Variants in RAP1GAP observed in about 807,000 individuals in gnomAD.
RAP1GAP encodes the protein RAP1 GTPase activating protein.
RAP1GAP carries 35 observed loss-of-function variants against 87.2 expected under a neutral mutation model. The observed-to-expected ratio is 0.40, with a 90% confidence interval of 0.31 to 0.53. The LOEUF is 0.53. Among genes scored for constraint, RAP1GAP ranks in the 20% least tolerant of loss-of-function variants. The pLI is 0.48. For missense variants in RAP1GAP, 734 were observed against 898.9 expected, an observed-to-expected ratio of 0.82 and a Z score of 2.35; for synonymous variants, 375 against 363.9, an observed-to-expected ratio of 1.03 and a Z score of -0.35.
chr1:21,655,964 C>G (rs1407068185), intron 1 of RAP1GAP, among the ~76,000 whole-genome samples: 1 of 152,216 alleles, frequency 6.6e-6, no homozygotes, highest in Non-Finnish European at 1.5e-5. Flanking sequence ...CTCCCCTCCC[C>G]GAGTCATACT....
At chr1:21,618,066 G>A in intron 5 of RAP1GAP, 94 bp from the exon 6 acceptor site, 1 of 1,467,812 alleles carries the variant, frequency 6.8e-7, no homozygotes, top group African/African-American at 1.4e-5. Context: ...AGGGCTGAGA[G>A]TGCGGATGGG....
intron 1 of RAP1GAP, among the ~76,000 whole-genome samples, chr1:21,657,419 A>G (rs948825091): frequency 1.3e-5 from 2 of 152,250 alleles, no homozygotes; most frequent in Non-Finnish European, 2.9e-5. Flanking sequence ...ATATACACAG[A>G]CAGATGTGTA....
chr1:21,610,319 C>A (rs1416799910), intron 13 of RAP1GAP, 44 bp from the exon 14 acceptor site: 1 of 1,605,376 alleles, frequency 6.2e-7, no homozygotes, highest in African/African-American at 1.3e-5. Flanking sequence ...CCAGAGGGGG[C>A]CCATGGGGGA....
chr1:21,651,830 C>A, intron 1 of RAP1GAP: 1 of 1,202,928 alleles, frequency 8.3e-7, no homozygotes, highest in Non-Finnish European at 1.0e-6. Flanking sequence ...CATGGTGCCG[C>A]CGCCGCCGCC....
chr1:21,624,731 G>T (rs1558748256), intron 3 of RAP1GAP, among the ~76,000 whole-genome samples: 1 of 152,192 alleles, frequency 6.6e-6, no homozygotes, highest in Non-Finnish European at 1.5e-5. Context: ...ACAAACGGAG[G>T]CTTCTAGCCA....
chr1:21,601,489 C>T (rs916963345), intron 20 of RAP1GAP, among the ~76,000 whole-genome samples, 195 bp downstream of exon 20: 2 of 152,208 alleles, frequency 1.3e-5, no homozygotes, highest in Non-Finnish European at 2.9e-5. Flanking sequence ...GCTCCAGAGC[C>T]GGGCGCGGGG....
chr1:21,603,932 G>T lies in RAP1GAP; in HGVS notation c.1429-1019C>A. ...CAATGACTGGCAAGCAGCAGAGGGC[G>T]GGGGCAGAGAGAGAGAGACAGAGAG... On this transcript the variant is annotated intron_variant, in intron 18 of 24. Coordinates refer to ENST00000374765, the MANE Select transcript of RAP1GAP (RefSeq NM_002885.4). This position sits in a 1 kb window ranked among gnomAD's most constrained non-coding sequence, Gnocchi z 6.0. 6.6e-7 allele frequency: 1 copy of T among 1,505,060 alleles called. No individual in the cohort carries two copies. The highest frequency in any genetic ancestry group is 9.0e-7 in the Non-Finnish European group (1 of 1,114,950). The allele number at this position is 1,505,060 out of a possible 1,614,324, so 93.2% of individuals were successfully genotyped here. A position where few individuals can be genotyped will look rare whatever the true frequency, so the allele number is the denominator to read the frequency against.
Position 21,603,867 on chromosome 1 carries a change from C to T in RAP1GAP, c.1429-954G>A. The T allele has an allele frequency of 6.3e-7, 1 of 1,591,724 alleles. No homozygotes were observed. The highest frequency in any genetic ancestry group is 1.1e-5 in the South Asian group (1 of 88,142). Reference sequence around the variant, plus strand: ...ACGGTTCCTATGCCTATGGCACTGCCCCGGCGTCCGAATCTACTCGCACTT... The same window carrying T: ...ACGGTTCCTATGCCTATGGCACTGCTCCGGCGTCCGAATCTACTCGCACTT... On this transcript the variant is annotated intron_variant, in intron 18 of 24. Coordinates refer to ENST00000374765, the MANE Select transcript of RAP1GAP (RefSeq NM_002885.4). The surrounding 1 kb of genome is among the most constrained non-coding windows in gnomAD (Gnocchi z 6.0).
intron 20 of RAP1GAP, among the ~76,000 whole-genome samples, chr1:21,601,067 C>A (rs1163693963): frequency 1.3e-5 from 2 of 149,148 alleles, no homozygotes; most frequent in Non-Finnish European, 3.0e-5. Flanking sequence ...GATGTCCAGG[C>A]TAGAGTGCAG....
chr1:21,664,748 TA>T (rs201283839), intron 1 of RAP1GAP, among the ~76,000 whole-genome samples: 3 of 42,262 alleles, frequency 7.1e-5, no homozygotes, highest in Non-Finnish European at 1.9e-4. Context: ...AAAGGCTTAT[TA>T]TTTTTTTTTT....
At chr1:21,664,920 G>T (rs1214694019) in intron 1 of RAP1GAP, among the ~76,000 whole-genome samples, 1 of 152,128 alleles carries the variant, frequency 6.6e-6, no homozygotes, top group Non-Finnish European at 1.5e-5. Flanking sequence ...AACATCCCCA[G>T]GGAGGCAGGC....
chr1:21,668,901 C>T lies in RAP1GAP; in HGVS notation c.-149+353G>A, dbSNP rs949733080. Among the ~76,000 whole-genome samples, 3 of 150,820 alleles carry T rather than the reference C, an allele frequency of 2.0e-5. No homozygotes were observed. Among genetic ancestry groups the T allele is most frequent in the Non-Finnish European group, 3.0e-5 (2 of 67,524 alleles). On this transcript the variant is annotated intron_variant, in intron 1 of 24. Transcript: ENST00000374765. The surrounding 1 kb of genome is among the most constrained non-coding windows in gnomAD (Gnocchi z 6.2). ...ACGCGCCCACTTCCCACAGTCCCTC[C>T]TCTAAACCCCAGGCGCCCCCACCTC... is the stretch of plus-strand genomic sequence containing the variant.
At chr1:21,617,260 C>T (rs1339723373) in intron 7 of RAP1GAP, 46 bp downstream of exon 7, 1 of 1,544,570 alleles carries the variant, frequency 6.5e-7, no homozygotes. Flanking sequence ...TGGGGCTGAA[C>T]TGTGACCCAC....
chr1:21,618,419 G>T (rs560196594), intron 5 of RAP1GAP, among the ~76,000 whole-genome samples: 6 of 152,234 alleles, frequency 3.9e-5, no homozygotes, highest in African/African-American at 1.4e-4. Context: ...ACCAGGCCTG[G>T]TCTTCTAGGG....
chr1:21,612,684 C>T (rs2079123820), intron 10 of RAP1GAP, among the ~76,000 whole-genome samples: 1 of 152,222 alleles, frequency 6.6e-6, no homozygotes, highest in Admixed American at 6.5e-5. Flanking sequence ...CCTGTCTGTC[C>T]TCTTCCAGGA....
chr1:21,626,866 A>G (rs1352196088), intron 2 of RAP1GAP: 1 of 456,540 alleles, frequency 2.2e-6, no homozygotes, highest in African/African-American at 2.0e-5. Flanking sequence ...GGCCTACCAC[A>G]TGCCAGGCCC....
intron 20 of RAP1GAP, among the ~76,000 whole-genome samples, chr1:21,600,863 A>C (rs148785605): frequency 8.5e-5 from 10 of 117,986 alleles, no homozygotes; most frequent in South Asian, 3.0e-4. Flanking sequence ...CCAGCCTGGG[A>C]GACAGAGCAA....
In RAP1GAP at chr1:21,632,476, G is replaced by A. The variant is rs182651737; in HGVS notation, c.-112-6079C>T. Reference sequence around the variant, plus strand: ...CCCAATTGCCAGCAGGGCAAACTGAGGCTTGGAGAGGTGAAAACACGACCT... The same window carrying A: ...CCCAATTGCCAGCAGGGCAAACTGAAGCTTGGAGAGGTGAAAACACGACCT... On this transcript the variant is annotated intron_variant, in intron 2 of 24. Transcript: ENST00000374765. Among the ~76,000 whole-genome samples, 4 of 152,332 alleles carry A rather than the reference G, an allele frequency of 2.6e-5. No homozygotes were observed. In the East Asian group the frequency reaches 7.7e-4, roughly 29 times the overall value.
intron 5 of RAP1GAP, 58 bp from the exon 6 acceptor site, chr1:21,618,030 G>C (rs2083455012): frequency 2.5e-6 from 4 of 1,609,690 alleles, no homozygotes; most frequent in Middle Eastern, 1.7e-4. Context: ...AGTGCCCCCA[G>C]AGCTGGCCTC....
Sources: allele counts gnomAD v4.1 joint callset (sites outside exome capture counted in the v4.1 genomes callset), GRCh38; gene constraint gnomAD v4.1.1; non-coding constraint Gnocchi (gnomAD v3.1); transcripts MANE v1.5; gene names NCBI Gene and HGNC (gene_info 2026-07-23, HGNC 2026-07-21).